Variants in MAJIN observed in about 807,000 individuals in gnomAD.
The protein encoded by MAJIN is membrane anchored junction protein.
A neutral mutation model predicts 30.2 loss-of-function variants in MAJIN; 27 were observed. The ratio of observed to expected loss-of-function variants is 0.89; its 90% CI spans 0.66 to 1.23. The LOEUF is 1.23. MAJIN is among the 50% of genes most tolerant of loss of function. The pLI is 0.00. For missense variants in MAJIN, 253 were observed against 260.3 expected (o/e 0.97, Z 0.19); for synonymous variants, 78 against 91.6 (o/e 0.85, Z 0.85).
chr11:64,956,870 G>A (rs1186334538), intron 3 of MAJIN, among the ~76,000 whole-genome samples: 2 of 147,548 alleles, frequency 1.4e-5, no homozygotes, highest in Non-Finnish European at 3.0e-5. Context: ...GGGTTCAAGC[G>A]ATTCTCCTGC....
chr11:64,942,500 A>T (rs1290755824), intron 8 of MAJIN, among the ~76,000 whole-genome samples: 2 of 152,012 alleles, frequency 1.3e-5, no homozygotes, highest in Non-Finnish European at 2.9e-5. Flanking sequence ...CTCATAGCTT[A>T]GCTCCCATGG....
intron 1 of MAJIN, among the ~76,000 whole-genome samples, chr11:64,962,877 A>G (rs1945748803): frequency 6.6e-6 from 1 of 152,184 alleles, no homozygotes; most frequent in South Asian, 2.1e-4. Flanking sequence ...CTGTAATCTC[A>G]GCACTTTAGG....
chr11:64,948,671 T>C (rs1945501297), intron 6 of MAJIN, among the ~76,000 whole-genome samples: 1 of 92,460 alleles, frequency 1.1e-5, no homozygotes, highest in African/African-American at 4.4e-5. Flanking sequence ...TTTTTTTTTT[T>C]TTTCAGATGG....
intron 4 of MAJIN, 123 bp from the exon 5 acceptor site, chr11:64,950,553 A>G: frequency 1.3e-6 from 1 of 782,962 alleles, no homozygotes. Context: ...TGTTCCTTTA[A>G]CACGTGTTCT....
intron 8 of MAJIN, among the ~76,000 whole-genome samples, chr11:64,946,849 G>A (rs1057334447): frequency 1.3e-5 from 2 of 152,088 alleles, no homozygotes; most frequent in Non-Finnish European, 2.9e-5. Flanking sequence ...AAATATGTTA[G>A]GGATGTACTC....
intron 1 of MAJIN, among the ~76,000 whole-genome samples, chr11:64,965,317 G>T (rs2136820511): frequency 6.6e-6 from 1 of 152,260 alleles, no homozygotes; most frequent in Middle Eastern, 3.4e-3. Context: ...TTGTTTGGGG[G>T]TAGGGGGGAT....
chr11:64,967,477 G>C (rs1232821486), intron 1 of MAJIN, among the ~76,000 whole-genome samples: 3 of 152,116 alleles, frequency 2.0e-5, no homozygotes, highest in African/African-American at 4.8e-5. Flanking sequence ...TGGTTTCCCC[G>C]TAACATGTCA....
chr11:64,970,695 G>T (rs1945886664), intron 1 of MAJIN, among the ~76,000 whole-genome samples: 1 of 151,934 alleles, frequency 6.6e-6, no homozygotes, highest in Non-Finnish European at 1.5e-5. Context: ...AAAAAAAGAA[G>T]AAAGAAAAAG....
chr11:64,962,800 T>C (rs1307706730), intron 1 of MAJIN, among the ~76,000 whole-genome samples: 2 of 152,262 alleles, frequency 1.3e-5, no homozygotes, highest in South Asian at 4.1e-4. Flanking sequence ...TTACGATAGA[T>C]TTGAAGAGTT....
chr11:64,966,244 A>G (rs1160781779), intron 1 of MAJIN, among the ~76,000 whole-genome samples: 1 of 151,576 alleles, frequency 6.6e-6, no homozygotes, highest in Non-Finnish European at 1.5e-5. Flanking sequence ...CAATTTTAAC[A>G]ATTGATACAG....
intron 8 of MAJIN, among the ~76,000 whole-genome samples, chr11:64,942,625 G>A (rs573568886): frequency 6.6e-6 from 1 of 152,260 alleles, no homozygotes; most frequent in South Asian, 2.1e-4. Context: ...TAAACTTCGG[G>A]TTAGAATGGC....
In MAJIN at chr11:64,945,218, C is replaced by T. The variant is rs530100525; in HGVS notation, c.473+2156G>A. 8.8e-4 allele frequency among the ~76,000 whole-genome samples: 134 copies of T among 151,998 alleles called. 1 individual carries two copies. The South Asian group carries it at 0.027, about 30-fold the overall frequency. On this transcript the variant is annotated intron_variant, in intron 8 of 10. Transcript: ENST00000301896. ...TAAAAAATACAAAAAATTAGCCAGG[C>T]GTGGTAGCACACGCCTGTAGTCCCA... is the stretch of plus-strand genomic sequence containing the variant.
intron 1 of MAJIN, among the ~76,000 whole-genome samples, chr11:64,965,144 C>T (rs779672808): frequency 2.0e-5 from 3 of 152,144 alleles, no homozygotes; most frequent in Non-Finnish European, 4.4e-5. Flanking sequence ...CAGAATACTT[C>T]CATGTTTATT....
chr11:64,966,054 A>G (rs757806897), intron 1 of MAJIN, among the ~76,000 whole-genome samples: 1 of 151,090 alleles, frequency 6.6e-6, no homozygotes, highest in Non-Finnish European at 1.5e-5. Context: ...TGGATGTAAA[A>G]CTGCAAGCAA....
chr11:64,945,868 G>A (rs1274863023), intron 8 of MAJIN, among the ~76,000 whole-genome samples: 3 of 152,186 alleles, frequency 2.0e-5, no homozygotes, highest in African/African-American at 2.4e-5. Context: ...AAAATTCATC[G>A]ATGCGTGTAT....
At chr11:64,952,877 G>A (rs1945575815) in intron 4 of MAJIN, among the ~76,000 whole-genome samples, 1 of 151,870 alleles carries the variant, frequency 6.6e-6, no homozygotes, top group Admixed American at 6.6e-5. Flanking sequence ...GCTAATTTTT[G>A]TATTTTTAGT....
chr11:64,972,080 C>G lies in MAJIN; in HGVS notation c.-268G>C, dbSNP rs1159393805. Reference sequence around the variant, plus strand: ...AACTTCGGGGCTCGTGCCGCGCACCCACCAGGCCTTCTGCGCACGCGCAAG... The same window carrying G: ...AACTTCGGGGCTCGTGCCGCGCACCGACCAGGCCTTCTGCGCACGCGCAAG... On this transcript the variant is annotated 5_prime_UTR_variant, in exon 1 of 11. Coordinates refer to ENST00000301896, the MANE Select transcript of MAJIN (RefSeq NM_001037225.3). The G allele has an allele frequency of 1.3e-5, 2 of 152,240 alleles. No homozygotes were observed. Among genetic ancestry groups the G allele is most frequent in the Non-Finnish European group, 2.9e-5 (2 of 68,046 alleles). The allele number at this position is 152,240 out of a possible 1,614,324, so 9.4% of individuals were successfully genotyped here. A position where few individuals can be genotyped will look rare whatever the true frequency, so the allele number is the denominator to read the frequency against.
At chr11:64,959,810 A>T (rs589351) in intron 2 of MAJIN, among the ~76,000 whole-genome samples, 3 of 152,100 alleles carry the variant, frequency 2.0e-5, no homozygotes, top group South Asian at 2.1e-4. Flanking sequence ...CTGGAATCTC[A>T]GTGGATACAG....
chr11:64,963,832 C>T lies in MAJIN; in HGVS notation c.-64-3697G>A, dbSNP rs375541182. 3.9e-5 allele frequency among the ~76,000 whole-genome samples: 6 copies of T among 152,166 alleles called. No individual in the cohort carries two copies. The South Asian group carries it at 1.2e-3, about 32-fold the overall frequency. ...CCAGCCTGGGCAACAGAGCAAGACC[C>T]CATCTCAAGACCATTAATGAGTGTG... On this transcript the variant is annotated intron_variant, in intron 1 of 10. Coordinates refer to ENST00000301896, the MANE Select transcript of MAJIN (RefSeq NM_001037225.3).
Sources: allele counts gnomAD v4.1 joint callset (sites outside exome capture counted in the v4.1 genomes callset), GRCh38; gene constraint gnomAD v4.1.1; transcripts MANE v1.5; gene names NCBI Gene and HGNC (gene_info 2026-07-23, HGNC 2026-07-21).